HLCS: variants seen among roughly 807,000 people sequenced by gnomAD.
HLCS encodes biotin--protein ligase.
A neutral mutation model predicts 75.0 loss-of-function variants in HLCS; 53 were observed. That is an observed-to-expected ratio of 0.71 (90% CI 0.57 to 0.89). The LOEUF is 0.89. HLCS is among the 40% of genes least tolerant of loss of function. The probability of loss-of-function intolerance (pLI) is 0.00; values close to 1 mark genes in which losing one functional copy is unlikely to be tolerated. For synonymous variants in HLCS, 431 were observed against 428.6 expected, an observed-to-expected ratio of 1.01 and a Z score of -0.07; for missense variants, 966 against 1,074.0, an observed-to-expected ratio of 0.90 and a Z score of 1.41.
Position 36,871,814 on chromosome 21 carries a change from T to C in HLCS, c.1892+25046A>G, listed in dbSNP as rs541136919. On this transcript the variant is annotated intron_variant, in intron 6 of 10. Coordinates refer to ENST00000674895, the MANE Select transcript of HLCS (RefSeq NM_001352514.2). ...AATGACAAGTACCCCAACTTCAAAA[T>C]GGGCAAAAGATTTGAACAACATTTC... 2.6e-5 allele frequency among the ~76,000 whole-genome samples: 4 copies of C among 152,278 alleles called. No homozygotes were observed. The South Asian group carries it at 8.3e-4, about 32-fold the overall frequency.
chr21:36,846,503 GT>G (rs894814282), intron 6 of HLCS, among the ~76,000 whole-genome samples: 8 of 152,000 alleles, frequency 5.3e-5, no homozygotes, highest in Non-Finnish European at 1.0e-4. Flanking sequence ...GGTATATCCA[GT>G]TTTTGTGCTG....
chr21:36,986,691 T>C (rs562658263), intron 1 of HLCS: 1 of 152,426 alleles, frequency 6.6e-6, no homozygotes, highest in East Asian at 1.9e-4. Context: ...GTGCTGGGAC[T>C]ACAGGCATGA....
At chr21:36,894,937 C>G (rs2064951049) in intron 6 of HLCS, among the ~76,000 whole-genome samples, 1 of 151,820 alleles carries the variant, frequency 6.6e-6, no homozygotes, top group South Asian at 2.1e-4. Flanking sequence ...TTTTTTCACC[C>G]AAAAACACAG....
chr21:36,773,513 G>T (rs1225872777), intron 6 of HLCS, among the ~76,000 whole-genome samples: 1 of 152,252 alleles, frequency 6.6e-6, no homozygotes, highest in African/African-American at 2.4e-5. Flanking sequence ...TCTGGCATGG[G>T]GTGGGTGTGA....
At chr21:36,777,661 T>C (rs948209791) in intron 6 of HLCS, among the ~76,000 whole-genome samples, 1 of 152,214 alleles carries the variant, frequency 6.6e-6, no homozygotes, top group African/African-American at 2.4e-5. Context: ...TATTTTGTCC[T>C]ATGTCCCTCA....
At chr21:36,835,002 G>T (rs1027714112) in intron 6 of HLCS, among the ~76,000 whole-genome samples, 4 of 152,330 alleles carry the variant, frequency 2.6e-5, no homozygotes, top group Admixed American at 1.3e-4. Context: ...CCTGTTAGAA[G>T]CCTTCTCGAG....
chr21:36,778,038 A>C (rs113602701), intron 6 of HLCS, among the ~76,000 whole-genome samples: 1 of 151,114 alleles, frequency 6.6e-6, no homozygotes, highest in Non-Finnish European at 1.5e-5. Context: ...GCACGATCTC[A>C]GCTCACTGCA....
In HLCS at chr21:36,868,304, A is replaced by T. The variant is rs141877685; in HGVS notation, c.1892+28556T>A. On this transcript the variant is annotated intron_variant, in intron 6 of 10. Coordinates refer to ENST00000674895, the MANE Select transcript of HLCS (RefSeq NM_001352514.2). ...GAAAGAAAGAAAGAAAAAGAAAAAC[A>T]GTAAGACCCCTTCTATATTAACACC... 3.4e-4 allele frequency among the ~76,000 whole-genome samples: 52 copies of T among 152,266 alleles called. No homozygotes were observed. The East Asian group carries it at 7.3e-3, about 22-fold the overall frequency.
At chr21:36,943,587 G>C (rs890690889) in intron 2 of HLCS, 3 of 152,206 alleles carry the variant, frequency 2.0e-5, no homozygotes, top group African/African-American at 7.2e-5. Flanking sequence ...TTGCGGGGCT[G>C]AGGCAGAAGG....
intron 7 of HLCS, 66 bp downstream of exon 7, chr21:36,767,152 T>C (rs1247566017): frequency 6.6e-7 from 1 of 1,506,308 alleles, no homozygotes; most frequent in Admixed American, 1.7e-5. Flanking sequence ...AATGGGCTCC[T>C]GGGCCACAAG....
At chr21:36,905,985 G>T (rs1449207578) in intron 5 of HLCS, among the ~76,000 whole-genome samples, 1 of 145,240 alleles carries the variant, frequency 6.9e-6, no homozygotes, top group Non-Finnish European at 1.5e-5. Flanking sequence ...GGGAGGCAGA[G>T]GTTGCAGTGA....
chr21:36,780,772 G>A (rs13049750), intron 6 of HLCS, among the ~76,000 whole-genome samples: 82,426 of 151,918 alleles, frequency 0.54, 22,774 homozygotes, highest in South Asian at 0.61. Context: ...GCACACAGCC[G>A]CGCAGAGATA....
intron 6 of HLCS, among the ~76,000 whole-genome samples, chr21:36,883,217 T>C (rs2064305060): frequency 1.3e-5 from 2 of 152,102 alleles, no homozygotes; most frequent in Admixed American, 6.5e-5. Flanking sequence ...AAGGGGCAGG[T>C]GAAAGCAAAT....
intron 6 of HLCS, among the ~76,000 whole-genome samples, chr21:36,769,586 CT>C (rs2090158850): frequency 6.6e-6 from 1 of 152,214 alleles, no homozygotes; most frequent in Admixed American, 6.5e-5. Flanking sequence ...GGAATAAAAG[CT>C]TTCTGTGAGT....
At chr21:36,814,674 T>C (rs2061608067) in intron 6 of HLCS, among the ~76,000 whole-genome samples, 1 of 152,212 alleles carries the variant, frequency 6.6e-6, no homozygotes. Flanking sequence ...TTCCTTATTT[T>C]GGTAGAATTC....
At chr21:36,807,972 C>T (rs752860253) in intron 6 of HLCS, among the ~76,000 whole-genome samples, 2 of 151,918 alleles carry the variant, frequency 1.3e-5, no homozygotes, top group Non-Finnish European at 2.9e-5. Flanking sequence ...GAAACACTAC[C>T]GTGCCACTTT....
rs200904934 is a variant in HLCS at position 36,873,128 on chromosome 21, TG to T, written c.1892+23731del. On this transcript the variant is annotated intron_variant, in intron 6 of 10. Coordinates refer to ENST00000674895, the MANE Select transcript of HLCS (RefSeq NM_001352514.2). ...TACTGCTGGCATTCTTCTTTTTTTT[TG>T]TTTGTTTGAGACAGAGTCTCGCTCT... 3.8e-4 allele frequency among the ~76,000 whole-genome samples: 57 copies of T among 151,784 alleles called. 1 individual carries two copies. Among genetic ancestry groups the T allele is most frequent in the South Asian group, 1.9e-3 (9 of 4,802 alleles).
At chr21:36,760,751 T>C (rs1309323279) in intron 8 of HLCS, among the ~76,000 whole-genome samples, 1 of 152,102 alleles carries the variant, frequency 6.6e-6, no homozygotes, top group Non-Finnish European at 1.5e-5. Flanking sequence ...TTGAATGGTG[T>C]GGCCTGGGGG....
chr21:36,977,951 C>G (rs575838272), intron 1 of HLCS, among the ~76,000 whole-genome samples: 1 of 152,176 alleles, frequency 6.6e-6, no homozygotes, highest in Admixed American at 6.5e-5. Flanking sequence ...CTCATGAGCG[C>G]TCTTCGTGGG....
Sources: allele counts gnomAD v4.1 joint callset (sites outside exome capture counted in the v4.1 genomes callset), GRCh38; gene constraint gnomAD v4.1.1; transcripts MANE v1.5; gene names NCBI Gene and HGNC (gene_info 2026-07-23, HGNC 2026-07-21).